Variants in COTL1 observed in about 807,000 individuals in gnomAD.
COTL1 encodes the protein coactosin like F-actin binding protein 1, also known as coactosin-like protein.
Under a neutral mutation model 16.5 loss-of-function variants are expected in COTL1, and 15 were observed. That is an observed-to-expected ratio of 0.91 (90% confidence interval 0.61 to 1.40). COTL1 has a LOEUF of 1.40. Ranked by LOEUF, COTL1 falls within the 40% of genes most tolerant of loss-of-function variation. COTL1 has a pLI of 0.00. For synonymous variants in COTL1, 112 were observed against 85.3 expected (o/e 1.31, Z -1.73); for missense variants, 220 against 201.5 (o/e 1.09, Z -0.56).
intron 2 of COTL1, among the ~76,000 whole-genome samples, chr16:84,593,448 A>C (rs9646312): frequency 0.075 from 11,386 of 151,842 alleles, 561 homozygotes; most frequent in East Asian, 0.18. Flanking sequence ...GGGCTGCCTC[A>C]CCTGTAAAAC....
intron 3 of COTL1, among the ~76,000 whole-genome samples, chr16:84,588,602 C>T (rs1276507074): frequency 6.6e-6 from 1 of 152,104 alleles, no homozygotes; most frequent in African/African-American, 2.4e-5. Flanking sequence ...CCTCGCCCTC[C>T]TAGGCTCAAG....
At chr16:84,616,633 G>A (rs1905492994) in intron 2 of COTL1, among the ~76,000 whole-genome samples, 1 of 152,172 alleles carries the variant, frequency 6.6e-6, no homozygotes, top group Non-Finnish European at 1.5e-5. Context: ...GAGATGGGAG[G>A]GAGTCGCATT....
intron 2 of COTL1, among the ~76,000 whole-genome samples, chr16:84,614,271 G>A (rs1168002098): frequency 1.3e-5 from 2 of 152,250 alleles, no homozygotes; most frequent in Non-Finnish European, 2.9e-5. Context: ...AGGCAGCGAG[G>A]AAGGCCGGGA....
At chr16:84,614,245 G>A (rs1418820367) in intron 2 of COTL1, among the ~76,000 whole-genome samples, 1 of 152,262 alleles carries the variant, frequency 6.6e-6, no homozygotes, top group Non-Finnish European at 1.5e-5. Flanking sequence ...AGCAAGAGCG[G>A]AGGTAGCGGA....
intron 3 of COTL1, chr16:84,568,171 T>C (rs533125213): frequency 5.3e-5 from 8 of 152,338 alleles, no homozygotes; most frequent in African/African-American, 1.9e-4. Context: ...CTATTTTTTG[T>C]ATTTTTAGTA....
chr16:84,593,258 A>C (rs1904914289), intron 2 of COTL1, among the ~76,000 whole-genome samples: 1 of 152,190 alleles, frequency 6.6e-6, no homozygotes, highest in South Asian at 2.1e-4. Context: ...GTAACAACGC[A>C]GCAGGGATAG....
intron 3 of COTL1, chr16:84,576,722 G>A (rs1176315451): frequency 3.9e-5 from 6 of 152,224 alleles, no homozygotes; most frequent in Non-Finnish European, 7.3e-5. Context: ...GACACGGGAC[G>A]AAGTTCCACC....
intron 3 of COTL1, among the ~76,000 whole-genome samples, chr16:84,587,402 G>C (rs1264977490): frequency 6.6e-6 from 1 of 152,110 alleles, no homozygotes; most frequent in Non-Finnish European, 1.5e-5. Context: ...TTTTCTAAAA[G>C]AATAACTCAA....
At chr16:84,604,653 T>C (rs990371644) in intron 2 of COTL1, among the ~76,000 whole-genome samples, 1 of 151,948 alleles carries the variant, frequency 6.6e-6, no homozygotes, top group African/African-American at 2.4e-5. Flanking sequence ...TTTGGCCAAA[T>C]CCAGAGAGCT....
intron 3 of COTL1, among the ~76,000 whole-genome samples, chr16:84,579,144 A>G (rs1349777682): frequency 1.3e-5 from 2 of 152,258 alleles, no homozygotes; most frequent in African/African-American, 2.4e-5. Flanking sequence ...CAAAATGGGT[A>G]TCACAGACTT....
At chr16:84,568,652 A>C (rs952661740) in intron 3 of COTL1, 14 of 152,260 alleles carry the variant, frequency 9.2e-5, no homozygotes, top group African/African-American at 3.4e-4. Context: ...AGATGGGAAC[A>C]GGAAATGATA....
At chr16:84,575,258 G>A (rs1009400909) in intron 3 of COTL1, 1 of 152,198 alleles carries the variant, frequency 6.6e-6, no homozygotes, top group Non-Finnish European at 1.5e-5. Flanking sequence ...GGCTGGTCTT[G>A]AACTCCGGAC....
intron 3 of COTL1, among the ~76,000 whole-genome samples, chr16:84,570,705 G>A (rs987968418): frequency 2.0e-5 from 3 of 152,234 alleles, no homozygotes; most frequent in Admixed American, 6.5e-5. Context: ...CTCTCTGCTC[G>A]GTAGAAAATA....
Position 84,565,905 on chromosome 16 carries a change from C to G in COTL1, c.*940G>C, listed in dbSNP as rs1349499754. 6.6e-6 allele frequency: 1 copy of G among 152,308 alleles called. No individual in the cohort carries two copies. The highest frequency in any genetic ancestry group is 2.4e-5 in the African/African-American group (1 of 41,464). The allele number at this position is 152,308 out of a possible 1,614,324, so 9.4% of individuals were successfully genotyped here. A position where few individuals can be genotyped will look rare whatever the true frequency, so the allele number is the denominator to read the frequency against. ...CGGCGGGCAGAGCAACCCTTCGGCC[C>G]AAGCCATCCTCGCAGCTTACACAGA... On this transcript the variant is annotated 3_prime_UTR_variant, in exon 4 of 4. Transcript: ENST00000262428.
chr16:84,569,752 G>C (rs1176071761), intron 3 of COTL1, among the ~76,000 whole-genome samples: 1 of 152,182 alleles, frequency 6.6e-6, no homozygotes, highest in East Asian at 1.9e-4. Context: ...ACACAAGTTG[G>C]ATGTAAGAGC....
intron 3 of COTL1, among the ~76,000 whole-genome samples, chr16:84,578,374 T>C (rs1904499145): frequency 6.6e-6 from 1 of 152,186 alleles, no homozygotes; most frequent in Non-Finnish European, 1.5e-5. Context: ...AAAAGTTGGA[T>C]AAATAAGTAA....
At position 84,607,339 on chromosome 16, in the gene COTL1, C is replaced by T. The variant is rs111885075; in HGVS notation, c.160+10162G>A. 7.3e-3 allele frequency among the ~76,000 whole-genome samples: 1,109 copies of T among 152,206 alleles called. 18 individuals are homozygous for T. The highest frequency in any genetic ancestry group is 0.025 in the African/African-American group (1,041 of 41,540). On this transcript the variant is annotated intron_variant, in intron 2 of 3. Transcript: ENST00000262428. ...GGCCTAGGGAAGCGGGAAGGCAGGCCAGCGCGGCACAGGGGAAGAGCTGAG... is the reference window on the plus strand; with the variant it reads ...GGCCTAGGGAAGCGGGAAGGCAGGCTAGCGCGGCACAGGGGAAGAGCTGAG...
rs141715925 is a variant in COTL1, at chr16:84,591,439, C to T, written c.161-1177G>A. On this transcript the variant is annotated intron_variant, in intron 2 of 3. Transcript: ENST00000262428. Reference sequence around the variant, plus strand: ...GACCTTGTATTCCACCCGCCTCAGCCTCCCAAAGTGCTGGGATTACAGGCG... The same window carrying T: ...GACCTTGTATTCCACCCGCCTCAGCTTCCCAAAGTGCTGGGATTACAGGCG... 7.6e-3 allele frequency among the ~76,000 whole-genome samples: 1,148 copies of T among 151,700 alleles called. 49 individuals carry two copies. The East Asian group carries it at 0.14, about 19-fold the overall frequency.
chr16:84,583,889 G>T (rs1429092434), intron 3 of COTL1, among the ~76,000 whole-genome samples: 1 of 152,100 alleles, frequency 6.6e-6, no homozygotes, highest in Non-Finnish European at 1.5e-5. Flanking sequence ...GTTCCTGAAA[G>T]CTGAGCTGCA....
Sources: allele counts gnomAD v4.1 joint callset (sites outside exome capture counted in the v4.1 genomes callset), GRCh38; gene constraint gnomAD v4.1.1; transcripts MANE v1.5; gene names NCBI Gene and HGNC (gene_info 2026-07-23, HGNC 2026-07-21).